SHOC1: variants seen among roughly 807,000 people sequenced by gnomAD.
SHOC1 encodes protein shortage in chiasmata 1 ortholog.
A neutral mutation model predicts 179.2 loss-of-function variants in SHOC1; 136 were observed. The ratio of observed to expected loss-of-function variants is 0.76; its 90% CI spans 0.66 to 0.87. SHOC1 has a LOEUF of 0.87. SHOC1 is among the 40% of genes least tolerant of loss of function. The pLI, the probability that SHOC1 is intolerant of heterozygous loss-of-function variation, is 0.00. For synonymous variants in SHOC1, 489 were observed against 586.6 expected (o/e 0.83, Z 2.41); for missense variants, 1,538 against 1,700.8 (o/e 0.90, Z 1.68).
At chr9:111,705,187 A>ACACACACACACACG in intron 21 of SHOC1, 60 bp downstream of exon 21, 1 of 686,116 alleles carries the variant, frequency 1.5e-6, no homozygotes, top group Non-Finnish European at 2.4e-6. Flanking sequence ...ACACACACAC[A>ACACACACACACACG]CACACACACA....
chr9:111,702,580 T>C (rs748257775), intron 22 of SHOC1, among the ~76,000 whole-genome samples: 1 of 152,204 alleles, frequency 6.6e-6, no homozygotes, highest in Non-Finnish European at 1.5e-5. Context: ...TGCAAGTCCT[T>C]TGTGGACTAG....
chr9:111,762,776 T>A (rs62572573), intron 5 of SHOC1, among the ~76,000 whole-genome samples: 5,291 of 152,260 alleles, frequency 0.035, 142 homozygotes, highest in South Asian at 0.11. Context: ...ACATGAAATG[T>A]TAGAAGCATT....
In SHOC1 at chr9:111,691,946, T is replaced by C. The variant is rs757407815; in HGVS notation, c.4031A>G (p.Asp1344Gly). The change falls in exon 27 of 28, where the codon GAC becomes GGC. Residue 1344 changes from aspartate to glycine, a missense_variant. Coordinates refer to ENST00000682961, the MANE Select transcript of SHOC1 (RefSeq NM_001378211.1). Reference sequence around the variant, plus strand: ...AGTGCCCTCTAGTGAAAAGATAGGGTCCGATACATCTTTATTTATGAAACC... The same window carrying C: ...AGTGCCCTCTAGTGAAAAGATAGGGCCCGATACATCTTTATTTATGAAACC... ...AKGFINKDVS[D>G]PIFSLEGTQS... 5 of 1,613,772 alleles carry C rather than the reference T, an allele frequency of 3.1e-6. No individual in the cohort carries two copies. The highest frequency in any genetic ancestry group is 4.2e-6 in the Non-Finnish European group (5 of 1,179,840).
intron 3 of SHOC1, among the ~76,000 whole-genome samples, chr9:111,782,714 T>TAA (rs36046676): frequency 6.8e-6 from 1 of 147,032 alleles, no homozygotes; most frequent in African/African-American, 2.5e-5. Context: ...AGATGAGGTC[T>TAA]AAAAAAAAAA....
chr9:111,769,081 T>C (rs1219655806), intron 5 of SHOC1, among the ~76,000 whole-genome samples: 1 of 152,204 alleles, frequency 6.6e-6, no homozygotes, highest in African/African-American at 2.4e-5. Flanking sequence ...TGTTGAACCA[T>C]CCTTGCATCC....
chr9:111,761,934 C>T (rs776300020), intron 5 of SHOC1, among the ~76,000 whole-genome samples: 2 of 152,094 alleles, frequency 1.3e-5, no homozygotes, highest in African/African-American at 2.4e-5. Flanking sequence ...CTGGCATAAA[C>T]AGGGCATTCT....
At chr9:111,787,948 G>T (rs1836317377) in intron 2 of SHOC1, among the ~76,000 whole-genome samples, 1 of 151,902 alleles carries the variant, frequency 6.6e-6, no homozygotes, top group East Asian at 1.9e-4. Context: ...AAAGACTCGG[G>T]TAATTATTTA....
At chr9:111,718,776 A>G (rs1291122920) in intron 15 of SHOC1, among the ~76,000 whole-genome samples, 1 of 151,338 alleles carries the variant, frequency 6.6e-6, no homozygotes, top group African/African-American at 2.5e-5. Context: ...ATTTATTCAA[A>G]GGTATAACTC....
In SHOC1 at chr9:111,758,704, T is replaced by A. The variant is rs1467844317; in HGVS notation, c.587A>T (p.Asn196Ile). The change falls in exon 6 of 28, where the codon AAT becomes ATT. Residue 196 changes from asparagine (N) to isoleucine (I), a missense_variant. Coordinates refer to ENST00000682961, the MANE Select transcript of SHOC1 (RefSeq NM_001378211.1). ...DFKGQIFTEANFSRECFSLQE... is the reference protein window; with the variant it reads ...DFKGQIFTEAIFSRECFSLQE... ...TCAATTAAGTAAGTACCTGGAAAAA[T>A]TAGCTTCTGTGAAGATCTGTCCTTT... 1.3e-6 allele frequency: 2 copies of A among 1,574,160 alleles called. No homozygotes were observed. Among genetic ancestry groups the A allele is most frequent in the Admixed American group, 4.2e-5 (2 of 47,182 alleles).
At chr9:111,749,719 A>G (rs1834479971) in intron 8 of SHOC1, among the ~76,000 whole-genome samples, 2 of 151,982 alleles carry the variant, frequency 1.3e-5, no homozygotes, top group Non-Finnish European at 2.9e-5. Context: ...TCCGTCCACC[A>G]TGTGTCCATG....
At chr9:111,704,061 T>C (rs978494285) in intron 21 of SHOC1, 69 bp from the exon 22 acceptor site, 1 of 738,034 alleles carries the variant, frequency 1.4e-6, no homozygotes. Flanking sequence ...AAGTTGTAGT[T>C]CCCTCCTGCA....
At chr9:111,764,025 T>C (rs752805639) in intron 5 of SHOC1, among the ~76,000 whole-genome samples, 4 of 152,198 alleles carry the variant, frequency 2.6e-5, no homozygotes, top group Admixed American at 2.0e-4. Flanking sequence ...AAATACTATA[T>C]TGAATGGAAA....
At chr9:111,769,763 C>T (rs996014730) in intron 5 of SHOC1, among the ~76,000 whole-genome samples, 2 of 152,162 alleles carry the variant, frequency 1.3e-5, no homozygotes, top group African/African-American at 4.8e-5. Flanking sequence ...GCCACCATGC[C>T]TGTGATTCAA....
chr9:111,707,198 A>T (rs1307691848), intron 19 of SHOC1, among the ~76,000 whole-genome samples: 1 of 152,076 alleles, frequency 6.6e-6, no homozygotes, highest in Non-Finnish European at 1.5e-5. Context: ...GGACACTTAA[A>T]TATCATAAAT....
intron 1 of SHOC1, among the ~76,000 whole-genome samples, chr9:111,793,914 C>G (rs977998294): frequency 6.6e-6 from 1 of 151,934 alleles, no homozygotes; most frequent in African/African-American, 2.4e-5. Flanking sequence ...TGCAATGGTG[C>G]GATCTTGGCT....
chr9:111,710,819 C>T (rs1211725905), intron 18 of SHOC1, among the ~76,000 whole-genome samples: 3 of 151,834 alleles, frequency 2.0e-5, no homozygotes, highest in African/African-American at 7.3e-5. Flanking sequence ...ATTCTTATAG[C>T]AGGAACAAGA....
At chr9:111,761,357 C>T (rs1449318100) in intron 5 of SHOC1, among the ~76,000 whole-genome samples, 1 of 151,992 alleles carries the variant, frequency 6.6e-6, no homozygotes, top group African/African-American at 2.4e-5. Context: ...CAAAAATTAG[C>T]CGGGCTTGGT....
intron 5 of SHOC1, 83 bp from the exon 6 acceptor site, chr9:111,758,931 C>T: frequency 1.1e-6 from 1 of 910,172 alleles, no homozygotes; most frequent in Non-Finnish European, 1.6e-6. Flanking sequence ...TGTAATCAGT[C>T]ATTAGATACA....
chr9:111,695,867 A>G (rs1831664301), intron 24 of SHOC1, among the ~76,000 whole-genome samples: 1 of 152,210 alleles, frequency 6.6e-6, no homozygotes, highest in South Asian at 2.1e-4. Context: ...TTTGTTTCCA[A>G]AGTTGATATG....
Sources: gnomAD v4.1 joint callset for allele counts (sites outside exome capture counted in the v4.1 genomes callset) on GRCh38, gnomAD v4.1.1 for gene constraint, MANE v1.5 for transcripts, NCBI Gene and HGNC (gene_info 2026-07-23, HGNC 2026-07-21) for gene names.